The following C8A variants were observed in gnomAD, a reference collection of about 807,000 sequenced individuals.
C8A encodes the protein complement component C8 alpha chain.
Under a neutral mutation model 65.3 loss-of-function variants are expected in C8A, and 67 were observed. That is an observed-to-expected ratio of 1.03 (90% confidence interval 0.84 to 1.26). The LOEUF (loss-of-function observed/expected upper bound fraction) is 1.26. C8A is among the 50% of genes most tolerant of loss of function. C8A has a pLI of 0.00. For missense variants in C8A, 781 were observed against 723.9 expected, an observed-to-expected ratio of 1.08 and a Z score of -0.90; for synonymous variants, 290 against 259.4, an observed-to-expected ratio of 1.12 and a Z score of -1.13.
intron 7 of C8A, among the ~76,000 whole-genome samples, chr1:56,896,445 AT>A (rs1242909987): frequency 1.3e-5 from 2 of 152,138 alleles, no homozygotes; most frequent in African/African-American, 4.8e-5. Context: ...TCCATTCAAC[AT>A]TTCCTGTCCA....
chr1:56,873,302 G>A (rs952206236), intron 2 of C8A, among the ~76,000 whole-genome samples: 2 of 152,140 alleles, frequency 1.3e-5, no homozygotes, highest in African/African-American at 2.4e-5. Context: ...CAGAAACAGG[G>A]CTGGGGGCTT....
At chr1:56,866,376 G>A (rs1474950841) in intron 1 of C8A, among the ~76,000 whole-genome samples, 15 of 152,086 alleles carry the variant, frequency 9.9e-5, no homozygotes. Context: ...GTGAATATTG[G>A]TAGATCTAGC....
intron 4 of C8A, 127 bp from the exon 5 acceptor site, chr1:56,881,317 CG>C: frequency 1.1e-6 from 1 of 919,624 alleles, no homozygotes; most frequent in Non-Finnish European, 1.8e-6. Context: ...GGGGTACATG[CG>C]CAGGATGTGC....
At chr1:56,876,355 C>A (rs2101220128) in intron 4 of C8A, 146 bp downstream of exon 4, 1 of 916,380 alleles carries the variant, frequency 1.1e-6, no homozygotes, top group Non-Finnish European at 1.7e-6. Flanking sequence ...CCAGAGATGG[C>A]TTGTCCAGTC....
rs1296296052 is a variant in C8A, at chr1:56,908,010, G to A, written c.1277G>A (p.Gly426Asp). The change falls in exon 9 of 11, where the codon GGC (glycine) becomes GAC (aspartate). Residue 426 changes from glycine (G) to aspartate (D), a missense_variant. Gly to Asp is a moderately conservative substitution (Grantham distance 94). Coordinates refer to ENST00000361249, the MANE Select transcript of C8A (RefSeq NM_000562.3). ...GACATTATTTCTCGGGTGCGAGGTG[G>A]CAGTTCTGGCTGGAGCGGTGGCTTG... ...VEDIISRVRG[G>D]SSGWSGGLAQ... is the part of the protein sequence containing the mutation. 1 of 1,614,180 alleles carries A rather than the reference G, an allele frequency of 6.2e-7. No individual in the cohort carries two copies. The highest frequency in any genetic ancestry group is 1.1e-5 in the South Asian group (1 of 91,078).
intron 6 of C8A, among the ~76,000 whole-genome samples, chr1:56,884,714 A>C (rs1489863902): frequency 6.6e-6 from 1 of 152,164 alleles, no homozygotes. Context: ...ATAGATGGCC[A>C]TCTTCCTGTA....
intron 7 of C8A, among the ~76,000 whole-genome samples, chr1:56,899,266 G>A (rs1051830454): frequency 6.6e-6 from 1 of 152,158 alleles, no homozygotes; most frequent in African/African-American, 2.4e-5. Context: ...ACTTAAAGGA[G>A]AAAAGCTGAG....
intron 7 of C8A, among the ~76,000 whole-genome samples, chr1:56,901,841 C>T (rs1402309822): frequency 6.6e-6 from 1 of 152,094 alleles, no homozygotes; most frequent in Non-Finnish European, 1.5e-5. Flanking sequence ...CCCTGCTGCC[C>T]TGTGTCAGAG....
intron 1 of C8A, among the ~76,000 whole-genome samples, chr1:56,867,201 C>T (rs1160468151): frequency 6.6e-6 from 1 of 152,094 alleles, no homozygotes; most frequent in Non-Finnish European, 1.5e-5. Context: ...GATGGGAAAG[C>T]TGTAGTTCAG....
intron 5 of C8A, among the ~76,000 whole-genome samples, chr1:56,883,223 C>CTGTGTG (rs3835681): frequency 0.085 from 12,834 of 150,292 alleles, 724 homozygotes; most frequent in Non-Finnish European, 0.13. Context: ...TCATCTGCAT[C>CTGTGTG]TGTGTGTGTG....
intron 10 of C8A, among the ~76,000 whole-genome samples, chr1:56,916,447 A>G (rs775165573): frequency 6.6e-6 from 1 of 152,172 alleles, no homozygotes; most frequent in Non-Finnish European, 1.5e-5. Flanking sequence ...ACCTTTGCCT[A>G]TGGAGACTGA....
chr1:56,859,588 G>T (rs1013406704), intron 1 of C8A, among the ~76,000 whole-genome samples: 5 of 152,126 alleles, frequency 3.3e-5, no homozygotes, highest in Non-Finnish European at 7.4e-5. Context: ...GTTCTGTATG[G>T]AATTCTATGT....
intron 4 of C8A, among the ~76,000 whole-genome samples, chr1:56,877,529 C>G (rs1644210379): frequency 6.6e-6 from 1 of 152,116 alleles, no homozygotes; most frequent in Non-Finnish European, 1.5e-5. Flanking sequence ...AATGACGTTC[C>G]AGTATTGTTA....
intron 9 of C8A, 106 bp downstream of exon 9, chr1:56,908,219 T>A: frequency 1.5e-6 from 2 of 1,291,256 alleles, no homozygotes; most frequent in Non-Finnish European, 2.2e-6. Flanking sequence ...AGAACAAGAT[T>A]AAATGTAATG....
chr1:56,905,463 A>T (rs1461540054), intron 7 of C8A, among the ~76,000 whole-genome samples: 1 of 152,162 alleles, frequency 6.6e-6, no homozygotes, highest in Admixed American at 6.5e-5. Context: ...TTTTTCATTC[A>T]TCAATCATTT....
At chr1:56,871,776 T>G (rs1644149062) in intron 2 of C8A, among the ~76,000 whole-genome samples, 1 of 152,176 alleles carries the variant, frequency 6.6e-6, no homozygotes. Context: ...TAGGTACAGG[T>G]GTTAAAAATC....
intron 9 of C8A, among the ~76,000 whole-genome samples, chr1:56,909,313 T>C (rs896722843): frequency 2.0e-5 from 3 of 152,194 alleles, no homozygotes; most frequent in Admixed American, 6.5e-5. Context: ...ATCCCAGATA[T>C]GGATATAGTC....
chr1:56,903,340 G>A (rs1363687181), intron 7 of C8A, among the ~76,000 whole-genome samples: 1 of 152,090 alleles, frequency 6.6e-6, no homozygotes, highest in Non-Finnish European at 1.5e-5. Context: ...CCTTTGCTTG[G>A]CACTTCTTCT....
At chr1:56,916,210 A>G (rs1055140700) in intron 10 of C8A, among the ~76,000 whole-genome samples, 2 of 152,226 alleles carry the variant, frequency 1.3e-5, no homozygotes, top group Admixed American at 1.3e-4. Context: ...GCTGCTCCCA[A>G]GGTCCCATTC....
Sources: gnomAD v4.1 joint callset for allele counts (sites outside exome capture counted in the v4.1 genomes callset) on GRCh38, gnomAD v4.1.1 for gene constraint, MANE v1.5 for transcripts, NCBI Gene and HGNC (gene_info 2026-07-23, HGNC 2026-07-21) for gene names.